Variants in SAMD5 observed in about 807,000 individuals in gnomAD.
The protein encoded by SAMD5 is sterile alpha motif domain-containing protein 5.
A neutral mutation model predicts 11.3 loss-of-function variants in SAMD5; 13 were observed. That is an observed-to-expected ratio of 1.15 (90% CI 0.75 to 1.83). The LOEUF (loss-of-function observed/expected upper bound fraction) is 1.83, where lower values mean the gene tolerates loss of function less well. Ranked by LOEUF, SAMD5 falls within the 40% of genes most tolerant of loss-of-function variation. SAMD5 has a pLI of 0.00. For missense variants in SAMD5, 255 were observed against 239.1 expected (o/e 1.07, Z -0.44); for synonymous variants, 129 against 111.3 (o/e 1.16, Z -1.00).
chr6:147,558,707 T>G (rs937407218), intron 1 of SAMD5, among the ~76,000 whole-genome samples: 1 of 151,970 alleles, frequency 6.6e-6, no homozygotes, highest in African/African-American at 2.4e-5. Flanking sequence ...CCGCCCTCCC[T>G]CACTCACCTC....
At chr6:147,842,808 A>C in the SAMD5 span, among the ~76,000 whole-genome samples, 1 of 152,222 alleles carries the variant, frequency 6.6e-6, no homozygotes, top group Non-Finnish European at 1.5e-5. Context: ...TGCCCATCAC[A>C]TTTGAATTGA....
the SAMD5 span, among the ~76,000 whole-genome samples, chr6:147,872,449 G>A: frequency 6.6e-6 from 1 of 151,864 alleles, no homozygotes; most frequent in African/African-American, 2.4e-5. Flanking sequence ...ATTGTTAAGC[G>A]CTTTGCCTGA....
intron 1 of SAMD5, among the ~76,000 whole-genome samples, chr6:147,575,283 G>T (rs1031727983): frequency 6.6e-6 from 1 of 152,204 alleles, no homozygotes; most frequent in Non-Finnish European, 1.5e-5. Flanking sequence ...GTCATATCTG[G>T]ATTTCATCCA....
intron 1 of SAMD5, among the ~76,000 whole-genome samples, chr6:147,651,767 T>C (rs746727879): frequency 2.0e-5 from 3 of 152,198 alleles, no homozygotes; most frequent in African/African-American, 2.4e-5. Flanking sequence ...AACTTTTACA[T>C]AAAGAACAAA....
the SAMD5 span, among the ~76,000 whole-genome samples, chr6:147,755,703 G>A: frequency 5.9e-5 from 9 of 152,130 alleles, no homozygotes; most frequent in East Asian, 1.9e-4. Flanking sequence ...TAACCTAGAC[G>A]AGTTGAAGAT....
chr6:147,544,516 T>G (rs1421978429), intron 1 of SAMD5, among the ~76,000 whole-genome samples: 1 of 152,214 alleles, frequency 6.6e-6, no homozygotes, highest in African/African-American at 2.4e-5. Context: ...ATTTCTTATA[T>G]TCACACAAAT....
chr6:147,753,166 T>C, the SAMD5 span, among the ~76,000 whole-genome samples: 1 of 152,204 alleles, frequency 6.6e-6, no homozygotes. Context: ...AGAAAGCCAA[T>C]GCTGCTTTCC....
In SAMD5 at chr6:147,711,140, A is replaced by G. The variant is rs1791392123; in HGVS notation, c.163-26177A>G. ...GGTGTTGTAGAGAGAAGGAATTGGTATTAATGGAGAACTTATTATTTATCC... is the reference window on the plus strand; with the variant it reads ...GGTGTTGTAGAGAGAAGGAATTGGTGTTAATGGAGAACTTATTATTTATCC... On this transcript the variant is annotated intron_variant, in intron 1 of 1. Transcript: ENST00000566741. This position sits in a 1 kb window ranked among gnomAD's most constrained non-coding sequence, Gnocchi z 4.1. 6.6e-6 allele frequency among the ~76,000 whole-genome samples: 1 copy of G among 152,200 alleles called. No individual in the cohort carries two copies. The highest frequency in any genetic ancestry group is 2.4e-5 in the African/African-American group (1 of 41,450).
intron 1 of SAMD5, among the ~76,000 whole-genome samples, chr6:147,727,489 G>A (rs1381266935): frequency 6.6e-6 from 1 of 152,102 alleles, no homozygotes; most frequent in African/African-American, 2.4e-5. Flanking sequence ...CAATTGTATT[G>A]CCTTATTCTT....
the SAMD5 span, among the ~76,000 whole-genome samples, chr6:147,789,845 TG>T: frequency 6.6e-6 from 1 of 152,206 alleles, no homozygotes; most frequent in African/African-American, 2.4e-5. Flanking sequence ...ATTTGTGTGG[TG>T]GTTTTCTCAT....
At chr6:147,818,241 A>T in the SAMD5 span, among the ~76,000 whole-genome samples, 1 of 152,164 alleles carries the variant, frequency 6.6e-6, no homozygotes, top group Non-Finnish European at 1.5e-5. Context: ...AACTGATGGT[A>T]TGATTTGTGG....
the SAMD5 span, among the ~76,000 whole-genome samples, chr6:147,867,895 T>G: frequency 6.6e-6 from 1 of 152,174 alleles, no homozygotes; most frequent in Non-Finnish European, 1.5e-5. Flanking sequence ...AACAATTCTA[T>G]TCCCTCTGGG....
the SAMD5 span, among the ~76,000 whole-genome samples, chr6:147,823,019 G>A: frequency 4.6e-5 from 7 of 152,138 alleles, no homozygotes; most frequent in East Asian, 5.8e-4. Context: ...GTTTTACCAC[G>A]TTGGCCAGGC....
At chr6:147,646,617 G>A (rs1790405016) in intron 1 of SAMD5, among the ~76,000 whole-genome samples, 1 of 152,092 alleles carries the variant, frequency 6.6e-6, no homozygotes, top group Non-Finnish European at 1.5e-5. Context: ...TTGTAGTGTT[G>A]TATAAATATA....
At chr6:147,543,723 T>G (rs1267814725) in intron 1 of SAMD5, among the ~76,000 whole-genome samples, 1 of 152,182 alleles carries the variant, frequency 6.6e-6, no homozygotes, top group East Asian at 1.9e-4. Context: ...AAGTGACAGC[T>G]TGAGGCAGCA....
intron 1 of SAMD5, among the ~76,000 whole-genome samples, chr6:147,717,969 T>C (rs1174369168): frequency 6.6e-6 from 1 of 152,216 alleles, no homozygotes; most frequent in East Asian, 1.9e-4. Context: ...AAATTAAAAC[T>C]GGGATTTTCT....
the SAMD5 span, among the ~76,000 whole-genome samples, chr6:147,931,171 A>G: frequency 4.8e-4 from 73 of 152,314 alleles, no homozygotes; most frequent in African/African-American, 1.6e-3. Context: ...CCTGGTGCAA[A>G]AGAGTTTTCT....
At chr6:147,752,211 C>A in the SAMD5 span, among the ~76,000 whole-genome samples, 1 of 152,134 alleles carries the variant, frequency 6.6e-6, no homozygotes, top group Non-Finnish European at 1.5e-5. Context: ...CTGACAAGTG[C>A]AAAATCTTAC....
the SAMD5 span, among the ~76,000 whole-genome samples, chr6:147,827,572 T>A: frequency 6.6e-6 from 1 of 152,190 alleles, no homozygotes; most frequent in Non-Finnish European, 1.5e-5. Flanking sequence ...CGAGCCAAGA[T>A]TTTGAAACTT....
Sources: allele counts gnomAD v4.1 joint callset (sites outside exome capture counted in the v4.1 genomes callset), GRCh38; gene constraint gnomAD v4.1.1; non-coding constraint Gnocchi (gnomAD v3.1); transcripts MANE v1.5; gene names NCBI Gene and HGNC (gene_info 2026-07-23, HGNC 2026-07-21).